MYO3A: variants seen among roughly 807,000 people sequenced by gnomAD.
The protein encoded by MYO3A is myosin-IIIa.
A neutral mutation model predicts 192.7 loss-of-function variants in MYO3A; 180 were observed. The ratio of observed to expected loss-of-function variants is 0.93; its 90% CI spans 0.83 to 1.06. The LOEUF is 1.06. MYO3A is among the 50% of genes least tolerant of loss of function. The pLI is 0.00. For synonymous variants in MYO3A, 628 were observed against 645.3 expected, an observed-to-expected ratio of 0.97 and a Z score of 0.41; for missense variants, 1,896 against 1,905.0, an observed-to-expected ratio of 1.00 and a Z score of 0.09.
At chr10:26,181,637 A>G (rs1055697593) in intron 31 of MYO3A, among the ~76,000 whole-genome samples, 3 of 152,160 alleles carry the variant, frequency 2.0e-5, no homozygotes, top group Non-Finnish European at 4.4e-5. Flanking sequence ...CAAACCCACT[A>G]CTATTCTTTA....
intron 2 of MYO3A, among the ~76,000 whole-genome samples, chr10:25,947,873 C>T (rs1014426086): frequency 9.9e-5 from 15 of 152,064 alleles, no homozygotes; most frequent in Admixed American, 9.2e-4. Context: ...AAAAACAGGA[C>T]AAACATTTCA....
At chr10:26,183,317 G>A (rs1386586513) in intron 31 of MYO3A, among the ~76,000 whole-genome samples, 1 of 152,188 alleles carries the variant, frequency 6.6e-6, no homozygotes, top group Non-Finnish European at 1.5e-5. Context: ...GAGGTCAGGA[G>A]ATCGAGACCA....
chr10:26,056,287 A>G (rs952077435), intron 10 of MYO3A, among the ~76,000 whole-genome samples: 15 of 152,200 alleles, frequency 9.9e-5, no homozygotes, highest in Admixed American at 8.5e-4. Context: ...TGAAATGGAA[A>G]GGCAATGAGA....
At chr10:25,953,615 G>T (rs547867939) in intron 3 of MYO3A, among the ~76,000 whole-genome samples, 10 of 152,072 alleles carry the variant, frequency 6.6e-5, no homozygotes, top group Non-Finnish European at 1.3e-4. Context: ...CAATCCCATT[G>T]TCTGGCCCCA....
intron 10 of MYO3A, among the ~76,000 whole-genome samples, chr10:26,050,621 AAT>A (rs2131284696): frequency 6.6e-6 from 1 of 152,370 alleles, no homozygotes; most frequent in Non-Finnish European, 1.5e-5. Context: ...ATAACCATCA[AAT>A]AGTCTTGCCA....
Position 25,998,080 on chromosome 10 carries a change from G to A in MYO3A, c.508+822G>A, listed in dbSNP as rs1588735514. Among the ~76,000 whole-genome samples the A allele has an allele frequency of 2.0e-5, 3 of 152,144 alleles. No individual in the cohort carries two copies. In the East Asian group the frequency reaches 5.8e-4, roughly 29 times the overall value. ...CTTCCTTGTTTGCATTTATCGTATA[G>A]AATTATAATTATACATTTGGTCTTT... On this transcript the variant is annotated intron_variant, in intron 6 of 34. Coordinates refer to ENST00000642920, the MANE Select transcript of MYO3A (RefSeq NM_017433.5).
rs548925134 is a variant in MYO3A, at chr10:26,172,325, G to A, written c.3399-1338G>A. Among the ~76,000 whole-genome samples, 3 of 152,348 alleles carry A rather than the reference G, an allele frequency of 2.0e-5. No homozygotes were observed. The East Asian group carries it at 5.8e-4, about 29-fold the overall frequency. The stretch of plus-strand genomic sequence containing the variant: ...AGCGGGGAGCTGGAGAAAGGCCCAG[G>A]CCGGCAGGGCTCTCCAGCAGATGTC... On this transcript the variant is annotated intron_variant, in intron 29 of 34. Coordinates refer to ENST00000642920, the MANE Select transcript of MYO3A (RefSeq NM_017433.5).
At chr10:26,122,472 C>T (rs1399208564) in intron 18 of MYO3A, among the ~76,000 whole-genome samples, 5 of 152,282 alleles carry the variant, frequency 3.3e-5, no homozygotes, top group Non-Finnish European at 5.9e-5. Flanking sequence ...CCAGTTCTGA[C>T]CATTTTGTCC....
At chr10:26,201,125 T>G (rs935518385) in intron 32 of MYO3A, 140 bp from the exon 33 acceptor site, 24 of 348,890 alleles carry the variant, frequency 6.9e-5, no homozygotes, top group Non-Finnish European at 8.2e-5. Flanking sequence ...CTTTAAATTT[T>G]TAAAATATTG....
intron 15 of MYO3A, among the ~76,000 whole-genome samples, chr10:26,088,822 G>A (rs181784614): frequency 3.0e-4 from 46 of 152,180 alleles, no homozygotes; most frequent in African/African-American, 9.9e-4. Flanking sequence ...ATATACAAGG[G>A]ACCAAATAAA....
intron 6 of MYO3A, among the ~76,000 whole-genome samples, chr10:26,008,917 A>G (rs1841423171): frequency 6.6e-6 from 1 of 151,728 alleles, no homozygotes; most frequent in Non-Finnish European, 1.5e-5. Context: ...TGCTATAAAG[A>G]CACATGCACA....
chr10:26,211,877 G>GAGA lies in MYO3A; in HGVS notation c.4766_4768dup (p.Glu1589_Arg1590insLys), dbSNP rs1491231131. 7 of 1,613,964 alleles carry GAGA rather than the reference G, an allele frequency of 4.3e-6. No homozygotes were observed. In the African/African-American group the frequency reaches 9.3e-5, roughly 22 times the overall value. On this transcript the variant is annotated inframe_insertion, in exon 35 of 35. Transcript: ENST00000642920. ...GGCGGAGAGCCCCGAGAAGGAGGAG[G>GAGA]AGAGAGAGCCAGCAGCCAACCCCTA...
At chr10:26,181,772 CA>C (rs754705543) in intron 31 of MYO3A, among the ~76,000 whole-genome samples, 422 of 90,318 alleles carry the variant, frequency 4.7e-3, no homozygotes, top group Non-Finnish European at 6.8e-3. Context: ...GCAATATGTC[CA>C]AAAAAAAAAA....
chr10:25,946,742 G>A (rs1410769682), intron 2 of MYO3A, among the ~76,000 whole-genome samples: 1 of 151,542 alleles, frequency 6.6e-6, no homozygotes, highest in East Asian at 1.9e-4. Flanking sequence ...AGCCGGGCAT[G>A]GTAGCGGGCA....
At chr10:26,121,490 C>CT (rs1424014397) in intron 18 of MYO3A, among the ~76,000 whole-genome samples, 1 of 152,168 alleles carries the variant, frequency 6.6e-6, no homozygotes, top group African/African-American at 2.4e-5. Flanking sequence ...AAGCTCACAC[C>CT]TCTAATCCCA....
chr10:26,017,446 A>G (rs777583513), intron 7 of MYO3A, among the ~76,000 whole-genome samples: 1 of 152,170 alleles, frequency 6.6e-6, no homozygotes, highest in African/African-American at 2.4e-5. Context: ...ACTATTAATG[A>G]TTTTAATCTT....
At chr10:26,002,400 C>T (rs1322247645) in intron 6 of MYO3A, among the ~76,000 whole-genome samples, 1 of 152,236 alleles carries the variant, frequency 6.6e-6, no homozygotes, top group Non-Finnish European at 1.5e-5. Context: ...CGCACACCTG[C>T]ACAAGGGAGG....
chr10:26,165,964 G>T, intron 26 of MYO3A, 103 bp from the exon 27 acceptor site: 1 of 943,548 alleles, frequency 1.1e-6, no homozygotes, highest in Non-Finnish European at 1.7e-6. Flanking sequence ...TCAAGTCTGG[G>T]CATCTCTTCC....
At chr10:26,199,570 A>G (rs2132192032) in intron 32 of MYO3A, among the ~76,000 whole-genome samples, 1 of 145,844 alleles carries the variant, frequency 6.9e-6, no homozygotes, top group African/African-American at 2.5e-5. Context: ...ACACTGTCTC[A>G]AAAAAAAAGA....
Sources: allele counts gnomAD v4.1 joint callset (sites outside exome capture counted in the v4.1 genomes callset), GRCh38; gene constraint gnomAD v4.1.1; transcripts MANE v1.5; gene names NCBI Gene and HGNC (gene_info 2026-07-23, HGNC 2026-07-21).